RYR2: variants seen among roughly 807,000 people sequenced by gnomAD.
RYR2 encodes the protein cardiac muscle ryanodine receptor-calcium release channel.
RYR2 carries 227 observed loss-of-function variants against 601.1 expected under a neutral mutation model. The ratio of observed to expected loss-of-function variants is 0.38; its 90% CI spans 0.34 to 0.42. The LOEUF is 0.42. RYR2 is among the 10% of genes least tolerant of loss of function. RYR2 has a pLI of 1.00. For synonymous variants in RYR2, 2,223 were observed against 2,175.1 expected (o/e 1.02, Z -0.61); for missense variants, 4,646 against 6,156.5 (o/e 0.75, Z 8.21).
intron 1 of RYR2, among the ~76,000 whole-genome samples, chr1:237,105,948 G>T (rs1309837304): frequency 6.6e-6 from 1 of 152,108 alleles, no homozygotes; most frequent in Non-Finnish European, 1.5e-5. Flanking sequence ...TAGTTCATGG[G>T]CTTCCAGGCA....
intron 10 of RYR2, among the ~76,000 whole-genome samples, chr1:237,394,216 G>A (rs556477993): frequency 4.6e-5 from 7 of 152,238 alleles, no homozygotes; most frequent in African/African-American, 1.7e-4. Context: ...ATTGTGTTCT[G>A]CAAAGCAATG....
chr1:237,691,003 T>C (rs1194361820), intron 63 of RYR2, among the ~76,000 whole-genome samples: 1 of 152,232 alleles, frequency 6.6e-6, no homozygotes, highest in East Asian at 1.9e-4. Context: ...GTCATATTAA[T>C]CTATTCTTTT....
At chr1:237,261,301 T>C (rs1225417119) in intron 1 of RYR2, among the ~76,000 whole-genome samples, 1 of 152,184 alleles carries the variant, frequency 6.6e-6, no homozygotes, top group Non-Finnish European at 1.5e-5. Flanking sequence ...ACACTCTACA[T>C]TTAGTACATG....
chr1:237,226,101 G>T (rs1426211778), intron 1 of RYR2, among the ~76,000 whole-genome samples: 1 of 151,906 alleles, frequency 6.6e-6, no homozygotes, highest in Non-Finnish European at 1.5e-5. Flanking sequence ...TTAGCATTAT[G>T]TGTTAAGTCT....
chr1:237,829,513 G>A (rs1663534998), intron 102 of RYR2, among the ~76,000 whole-genome samples: 1 of 152,154 alleles, frequency 6.6e-6, no homozygotes, highest in African/African-American at 2.4e-5. Context: ...CTGACCTAGG[G>A]AACCCAGAGG....
intron 70 of RYR2, among the ~76,000 whole-genome samples, chr1:237,711,169 G>A (rs1433745686): frequency 6.6e-6 from 1 of 152,106 alleles, no homozygotes; most frequent in Non-Finnish European, 1.5e-5. Context: ...ATACTTTCAA[G>A]AATAAGCAAA....
At chr1:237,200,112 T>C (rs754899547) in intron 1 of RYR2, among the ~76,000 whole-genome samples, 3 of 152,196 alleles carry the variant, frequency 2.0e-5, no homozygotes, top group Non-Finnish European at 4.4e-5. Context: ...TTAAGTAATT[T>C]ACCCAAAATC....
intron 41 of RYR2, among the ~76,000 whole-genome samples, chr1:237,629,762 T>A (rs981748826): frequency 6.6e-6 from 1 of 152,216 alleles, no homozygotes; most frequent in Non-Finnish European, 1.5e-5. Flanking sequence ...TGATACAGAC[T>A]GTTTCATATC....
At chr1:237,494,938 A>ACC (rs1374660653) in intron 19 of RYR2, among the ~76,000 whole-genome samples, 49 of 151,510 alleles carry the variant, frequency 3.2e-4, no homozygotes, top group Non-Finnish European at 5.9e-4. Context: ...TTACAGGTGC[A>ACC]CACCACCACA....
At position 237,784,345 on chromosome 1, in the gene RYR2, G is replaced by C; in HGVS notation, c.12633G>C (p.Leu4211Phe). The C allele has an allele frequency of 6.2e-7, 1 of 1,613,930 alleles. No individual in the cohort carries two copies. The highest frequency in any genetic ancestry group is 8.5e-7 in the Non-Finnish European group (1 of 1,179,854). ...CGGCTCAGATCTCGGAGTCGGACTT[G>C]AACGAGAGGTCAGCGAATAAGGAAG... ...QLAAQISESD[L>F]NERSANKEES... The change falls in exon 90 of 105, where the codon TTG (leucine) becomes TTC (phenylalanine). Residue 4211 changes from leucine to phenylalanine, a missense_variant. This residue lies in a region of RYR2 where 364 missense variants were observed against 442.9 expected (regional missense o/e 0.82). Coordinates refer to ENST00000366574, the MANE Select transcript of RYR2 (RefSeq NM_001035.3). This position sits in a 1 kb window ranked among gnomAD's most constrained non-coding sequence, Gnocchi z 7.1.
intron 58 of RYR2, among the ~76,000 whole-genome samples, chr1:237,668,296 A>G (rs567848683): frequency 6.6e-6 from 1 of 151,916 alleles, no homozygotes; most frequent in Admixed American, 6.5e-5. Context: ...ACCCCTTTTT[A>G]TTTCCTATCT....
At chr1:237,337,024 G>A (rs1697308197) in intron 3 of RYR2, among the ~76,000 whole-genome samples, 2 of 152,214 alleles carry the variant, frequency 1.3e-5, no homozygotes, top group African/African-American at 2.4e-5. Context: ...GCTGAGGCAT[G>A]TGGATCACTT....
chr1:237,240,854 AC>A (rs1686091926), intron 1 of RYR2, among the ~76,000 whole-genome samples: 1 of 152,084 alleles, frequency 6.6e-6, no homozygotes. Flanking sequence ...GGATAGAAAA[AC>A]ATTTCATTTT....
intron 24 of RYR2, among the ~76,000 whole-genome samples, chr1:237,521,727 A>G (rs1401621991): frequency 9.0e-6 from 1 of 110,730 alleles, no homozygotes; most frequent in African/African-American, 3.3e-5. Context: ...CTCAAAAAGA[A>G]AAAAAAAATT....
At chr1:237,820,250 C>G (rs969721847) in intron 101 of RYR2, among the ~76,000 whole-genome samples, 1 of 149,612 alleles carries the variant, frequency 6.7e-6, no homozygotes, top group African/African-American at 2.5e-5. Flanking sequence ...CAAATAGGAA[C>G]AGCTCCAGTC....
At chr1:237,093,330 G>A (rs1164044806) in intron 1 of RYR2, among the ~76,000 whole-genome samples, 1 of 152,156 alleles carries the variant, frequency 6.6e-6, no homozygotes, top group African/African-American at 2.4e-5. Flanking sequence ...GCTAGGGGAG[G>A]AGCTGAGAAG....
chr1:237,723,289 A>G, intron 74 of RYR2, 27 bp downstream of exon 74: 1 of 1,591,284 alleles, frequency 6.3e-7, no homozygotes, highest in Non-Finnish European at 8.6e-7. Flanking sequence ...ATTCAATCAT[A>G]TTTGCCTTAG....
chr1:237,476,166 C>G (rs566482903), intron 17 of RYR2, among the ~76,000 whole-genome samples: 1 of 152,200 alleles, frequency 6.6e-6, no homozygotes, highest in African/African-American at 2.4e-5. Context: ...TTCTTCCCCT[C>G]TCTTAGTAAG....
intron 19 of RYR2, among the ~76,000 whole-genome samples, chr1:237,493,659 A>G (rs544966472): frequency 1.1e-3 from 173 of 152,150 alleles, no homozygotes; most frequent in East Asian, 2.9e-3. Flanking sequence ...TCACCGTGTT[A>G]GCCAGGATGG....
Sources: gnomAD v4.1 joint callset for allele counts (sites outside exome capture counted in the v4.1 genomes callset) on GRCh38, gnomAD v4.1.1 for gene constraint, gnomAD v4.1.1 regional missense constraint, Gnocchi (gnomAD v3.1) non-coding constraint, MANE v1.5 for transcripts, NCBI Gene and HGNC (gene_info 2026-07-23, HGNC 2026-07-21) for gene names.